The following C1orf21 variants were observed in gnomAD, a reference collection of about 807,000 sequenced individuals.
C1orf21 encodes chromosome 1 open reading frame 21.
A neutral mutation model predicts 18.7 loss-of-function variants in C1orf21; 3 were observed. That is an observed-to-expected ratio of 0.16 (90% CI 0.07 to 0.42). The LOEUF (loss-of-function observed/expected upper bound fraction) is 0.42. Ranked by LOEUF, C1orf21 falls within the 10% of genes least tolerant of loss-of-function variation. C1orf21 has a pLI of 0.99. For synonymous variants in C1orf21, 41 were observed against 46.4 expected (o/e 0.88, Z 0.47); for missense variants, 104 against 143.6 (o/e 0.72, Z 1.41).
intron 5 of C1orf21, among the ~76,000 whole-genome samples, chr1:184,609,067 C>G (rs1659691262): frequency 6.6e-6 from 1 of 152,190 alleles, no homozygotes; most frequent in African/African-American, 2.4e-5. Flanking sequence ...TGTGGTCCCT[C>G]AAACAGTGTC....
At chr1:184,470,271 C>T (rs1476407150) in intron 1 of C1orf21, among the ~76,000 whole-genome samples, 2 of 152,104 alleles carry the variant, frequency 1.3e-5, no homozygotes, top group Admixed American at 6.6e-5. Flanking sequence ...AAGTGTTGTC[C>T]ACCTGGCATA....
intron 1 of C1orf21, among the ~76,000 whole-genome samples, chr1:184,445,809 T>C (rs1657021210): frequency 6.6e-6 from 1 of 152,180 alleles, no homozygotes; most frequent in African/African-American, 2.4e-5. Flanking sequence ...AAATGTTACA[T>C]AGGGATAATG....
intron 5 of C1orf21, among the ~76,000 whole-genome samples, chr1:184,610,963 T>C (rs1245505544): frequency 6.6e-6 from 1 of 152,122 alleles, no homozygotes; most frequent in Non-Finnish European, 1.5e-5. Flanking sequence ...ACTTACTCTC[T>C]CTTGGAAATG....
chr1:184,436,346 G>A lies in C1orf21; in HGVS notation c.-124-41040G>A, dbSNP rs147709490. ...ATGGTACTAGTCAAGAAGAACAGGG[G>A]AAGTGTTTGAGATTTGGAGATTTGG... On this transcript the variant is annotated intron_variant, in intron 1 of 5. Coordinates refer to ENST00000235307, the MANE Select transcript of C1orf21 (RefSeq NM_030806.4). 2.5e-4 allele frequency among the ~76,000 whole-genome samples: 38 copies of A among 152,234 alleles called. No homozygotes were observed. In the South Asian group the frequency reaches 7.7e-3, roughly 31 times the overall value.
At chr1:184,397,881 A>G (rs1656086551) in intron 1 of C1orf21, among the ~76,000 whole-genome samples, 1 of 152,222 alleles carries the variant, frequency 6.6e-6, no homozygotes, top group Non-Finnish European at 1.5e-5. Context: ...ATAGCCATCA[A>G]TTGTAAGAAC....
intron 3 of C1orf21, among the ~76,000 whole-genome samples, chr1:184,522,241 G>A (rs1189044005): frequency 1.3e-5 from 2 of 152,068 alleles, no homozygotes; most frequent in East Asian, 3.8e-4. Context: ...AATGTATATA[G>A]GCATGTATAT....
chr1:184,525,620 A>C (rs1658366777), intron 3 of C1orf21, among the ~76,000 whole-genome samples: 1 of 152,164 alleles, frequency 6.6e-6, no homozygotes, highest in African/African-American at 2.4e-5. Context: ...GAAGGATATG[A>C]GGGATTATCT....
At chr1:184,594,902 G>A (rs1179524367) in intron 4 of C1orf21, among the ~76,000 whole-genome samples, 4 of 152,114 alleles carry the variant, frequency 2.6e-5, no homozygotes, top group Non-Finnish European at 4.4e-5. Context: ...CACCAAAAGC[G>A]AAAGCCCCAT....
chr1:184,488,434 C>G lies in C1orf21; in HGVS notation c.94+10831C>G, dbSNP rs536942162. 7.9e-5 allele frequency among the ~76,000 whole-genome samples: 12 copies of G among 152,200 alleles called. No individual in the cohort carries two copies. In the South Asian group the frequency reaches 2.5e-3, roughly 32 times the overall value. On this transcript the variant is annotated intron_variant, in intron 2 of 5. Coordinates refer to ENST00000235307, the MANE Select transcript of C1orf21 (RefSeq NM_030806.4). Reference sequence around the variant, plus strand: ...TTGGTAGAAGTAAGGAGTAAAGCACCATGAGAGGGCTAGAGGCAGCAGACA... The same window carrying G: ...TTGGTAGAAGTAAGGAGTAAAGCACGATGAGAGGGCTAGAGGCAGCAGACA...
At chr1:184,601,469 A>G (rs1338301418) in intron 5 of C1orf21, among the ~76,000 whole-genome samples, 1 of 152,202 alleles carries the variant, frequency 6.6e-6, no homozygotes, top group Non-Finnish European at 1.5e-5. Flanking sequence ...AGTAAAACTT[A>G]ATTTGCACAT....
chr1:184,549,587 T>A (rs1422360960), intron 3 of C1orf21, among the ~76,000 whole-genome samples: 1 of 152,008 alleles, frequency 6.6e-6, no homozygotes, highest in Non-Finnish European at 1.5e-5. Flanking sequence ...TACTTTTCCC[T>A]ATGATATAAC....
At chr1:184,425,198 A>G (rs1381323674) in intron 1 of C1orf21, among the ~76,000 whole-genome samples, 1 of 151,896 alleles carries the variant, frequency 6.6e-6, no homozygotes, top group Non-Finnish European at 1.5e-5. Flanking sequence ...CAGTGTGGGT[A>G]TTAGATTAAC....
chr1:184,603,286 A>G (rs1659608584), intron 5 of C1orf21, among the ~76,000 whole-genome samples: 1 of 152,218 alleles, frequency 6.6e-6, no homozygotes, highest in Non-Finnish European at 1.5e-5. Flanking sequence ...GACACCATGC[A>G]AACTCATTCT....
rs1659949104 is a variant in C1orf21 at position 184,623,046 on chromosome 1, C to G, written c.*3490C>G. On this transcript the variant is annotated 3_prime_UTR_variant, in exon 6 of 6. Transcript: ENST00000235307. ...TCCCTGTTTTTCTGTTAGGGCAAGA[C>G]TCTTCCATAAGCCTGCTAAAAAACA... is the stretch of plus-strand genomic sequence containing the variant. 1 of 152,210 alleles carries G rather than the reference C, an allele frequency of 6.6e-6. No individual in the cohort carries two copies. Among genetic ancestry groups the G allele is most frequent in the South Asian group, 2.1e-4 (1 of 4,836 alleles). The allele number at this position is 152,210 out of a possible 1,614,324, so 9.4% of individuals were successfully genotyped here.
At chr1:184,473,710 C>T (rs1657527753) in intron 1 of C1orf21, among the ~76,000 whole-genome samples, 1 of 152,138 alleles carries the variant, frequency 6.6e-6, no homozygotes, top group South Asian at 2.1e-4. Context: ...CTGCTCAGGT[C>T]TCTAACCTGA....
chr1:184,444,275 C>T (rs1478634087), intron 1 of C1orf21, among the ~76,000 whole-genome samples: 1 of 152,170 alleles, frequency 6.6e-6, no homozygotes, highest in Non-Finnish European at 1.5e-5. Flanking sequence ...TGTCCCCACC[C>T]AAATCTCATT....
Position 184,387,938 on chromosome 1 carries a change from T to A in C1orf21, c.-125+570T>A, listed in dbSNP as rs1425481363. Reference sequence around the variant, plus strand: ...TTTTGGGGTGGCTCGTTTCGTTGCATCTGTTTGCCCACCTCGGTGTATTTA... The same window carrying A: ...TTTTGGGGTGGCTCGTTTCGTTGCAACTGTTTGCCCACCTCGGTGTATTTA... On this transcript the variant is annotated intron_variant, in intron 1 of 5. Transcript: ENST00000235307. This position sits in a 1 kb window ranked among gnomAD's most constrained non-coding sequence, Gnocchi z 5.6. Among the ~76,000 whole-genome samples the A allele has an allele frequency of 6.6e-6, 1 of 152,182 alleles. No individual in the cohort carries two copies. Among genetic ancestry groups the A allele is most frequent in the Non-Finnish European group, 1.5e-5 (1 of 68,022 alleles).
At chr1:184,398,057 T>C (rs1003827088) in intron 1 of C1orf21, among the ~76,000 whole-genome samples, 10 of 152,270 alleles carry the variant, frequency 6.6e-5, no homozygotes, top group African/African-American at 2.4e-4. Flanking sequence ...TGAGGCATCA[T>C]AATGTAGCGG....
At chr1:184,425,509 A>T (rs1202817058) in intron 1 of C1orf21, among the ~76,000 whole-genome samples, 1 of 151,820 alleles carries the variant, frequency 6.6e-6, no homozygotes, top group Non-Finnish European at 1.5e-5. Context: ...CAATTTTCCC[A>T]TCCTGGCCTC....
Sources: gnomAD v4.1 joint callset for allele counts (sites outside exome capture counted in the v4.1 genomes callset) on GRCh38, gnomAD v4.1.1 for gene constraint, Gnocchi (gnomAD v3.1) non-coding constraint, MANE v1.5 for transcripts, NCBI Gene and HGNC (gene_info 2026-07-23, HGNC 2026-07-21) for gene names.